Variants in MAGI2 observed in about 807,000 individuals in gnomAD.
The protein encoded by MAGI2 is membrane associated guanylate kinase, WW and PDZ domain containing 2, also known as membrane-associated guanylate kinase, WW and PDZ domain-containing protein 2.
MAGI2 carries 35 observed loss-of-function variants against 133.3 expected under a neutral mutation model. The observed-to-expected ratio is 0.26, with a 90% confidence interval of 0.20 to 0.35. MAGI2 has a LOEUF of 0.35. MAGI2 is among the 10% of genes least tolerant of loss of function. The pLI is 1.00. For missense variants in MAGI2, 1,636 were observed against 1,863.4 expected (o/e 0.88, Z 2.25); for synonymous variants, 729 against 710.6 (o/e 1.03, Z -0.41).
chr7:78,278,185 C>A (rs1426759662), intron 9 of MAGI2, among the ~76,000 whole-genome samples: 6 of 152,058 alleles, frequency 3.9e-5, no homozygotes, highest in Non-Finnish European at 7.4e-5. Context: ...AAAAAACACA[C>A]AACAACCAAA....
intron 4 of MAGI2, among the ~76,000 whole-genome samples, chr7:78,503,490 G>A (rs1794798059): frequency 3.3e-5 from 5 of 149,394 alleles, no homozygotes; most frequent in Admixed American, 2.0e-4. Flanking sequence ...GTGGTAGTGA[G>A]TAAGTCTCAC....
chr7:78,796,755 A>G (rs1335822913), intron 2 of MAGI2, among the ~76,000 whole-genome samples: 1 of 152,176 alleles, frequency 6.6e-6, no homozygotes, highest in African/African-American at 2.4e-5. Context: ...AAATGAATGG[A>G]TAAAATGTGG....
intron 1 of MAGI2, among the ~76,000 whole-genome samples, chr7:79,158,053 C>T (rs115334540): frequency 0.02 from 2,988 of 151,526 alleles, 89 homozygotes; most frequent in African/African-American, 0.068. Flanking sequence ...CCCCTTGGCA[C>T]GCCAGACTTT....
chr7:78,858,524 A>G (rs1289851979), intron 2 of MAGI2, among the ~76,000 whole-genome samples: 3 of 152,202 alleles, frequency 2.0e-5, no homozygotes, highest in African/African-American at 7.2e-5. Flanking sequence ...GTAGTTATTC[A>G]GGAGCAGGTT....
At chr7:79,443,910 TG>T (rs1481733336) in intron 1 of MAGI2, among the ~76,000 whole-genome samples, 2 of 152,234 alleles carry the variant, frequency 1.3e-5, no homozygotes, top group African/African-American at 4.8e-5. Context: ...ATAAAATCCA[TG>T]GTACTTACAG....
intron 2 of MAGI2, chr7:78,902,430 T>C (rs1209992207): frequency 1.3e-5 from 2 of 152,302 alleles, no homozygotes; most frequent in Non-Finnish European, 2.9e-5. Context: ...ATAGTACCAA[T>C]ATAAGCAAAT....
intron 2 of MAGI2, among the ~76,000 whole-genome samples, chr7:78,683,182 G>A (rs1356436069): frequency 6.6e-6 from 1 of 152,164 alleles, no homozygotes; most frequent in Non-Finnish European, 1.5e-5. Flanking sequence ...GGGCCATTGA[G>A]TTTTTGTGAG....
intron 20 of MAGI2, among the ~76,000 whole-genome samples, chr7:78,119,008 A>G (rs1176553515): frequency 6.6e-6 from 1 of 152,232 alleles, no homozygotes; most frequent in Non-Finnish European, 1.5e-5. Context: ...ATTAAAAGAC[A>G]TGGAGGAAAG....
chr7:78,253,505 T>C (rs1442029689), intron 10 of MAGI2: 1 of 136,158 alleles, frequency 7.3e-6, no homozygotes, highest in East Asian at 2.3e-4. Context: ...GTATGTAAAT[T>C]ATATCACATG....
At chr7:78,581,570 A>C (rs1802840905) in intron 3 of MAGI2, among the ~76,000 whole-genome samples, 1 of 152,216 alleles carries the variant, frequency 6.6e-6, no homozygotes, top group Non-Finnish European at 1.5e-5. Flanking sequence ...CACTACTTGA[A>C]ATAACACAAA....
At chr7:78,816,496 T>G (rs567932354) in intron 2 of MAGI2, among the ~76,000 whole-genome samples, 72 of 152,344 alleles carry the variant, frequency 4.7e-4, no homozygotes, top group Middle Eastern at 3.4e-3. Flanking sequence ...AGTCTATGCC[T>G]AGCTTCAAAG....
chr7:78,486,677 G>A (rs1056669318), intron 6 of MAGI2: 97 of 387,714 alleles, frequency 2.5e-4, no homozygotes, highest in African/African-American at 1.7e-3. Context: ...CAACAATGGC[G>A]ACAACGATGG....
At chr7:78,425,468 A>T (rs1203458274) in intron 6 of MAGI2, among the ~76,000 whole-genome samples, 1 of 152,218 alleles carries the variant, frequency 6.6e-6, no homozygotes, top group Admixed American at 6.5e-5. Context: ...AAATGTGTTT[A>T]CTTGAGGTCA....
intron 1 of MAGI2, among the ~76,000 whole-genome samples, chr7:79,213,238 G>GTGGGTGTGTATA (rs1563001501): frequency 4.2e-5 from 6 of 144,078 alleles, no homozygotes; most frequent in Middle Eastern, 3.7e-3. Context: ...GTGTGTGTGT[G>GTGGGTGTGTATA]TATATATGTG....
At chr7:78,284,802 T>A (rs1795981088) in intron 9 of MAGI2, among the ~76,000 whole-genome samples, 1 of 152,108 alleles carries the variant, frequency 6.6e-6, no homozygotes, top group Admixed American at 6.6e-5. Context: ...CTTGATTATA[T>A]GGTAGGAGAA....
intron 6 of MAGI2, among the ~76,000 whole-genome samples, chr7:78,466,034 C>T (rs1790591948): frequency 6.6e-6 from 1 of 152,180 alleles, no homozygotes; most frequent in African/African-American, 2.4e-5. Context: ...TGGACCACTC[C>T]AATCCGGCTT....
intron 1 of MAGI2, among the ~76,000 whole-genome samples, chr7:79,167,397 C>CAAAAAAAA (rs10542271): frequency 1.2e-5 from 1 of 84,732 alleles, no homozygotes; most frequent in African/African-American, 4.1e-5. Context: ...CCAAAAATGG[C>CAAAAAAAA]AAAAAAAAAA....
intron 2 of MAGI2, among the ~76,000 whole-genome samples, chr7:78,843,008 T>C (rs1472877580): frequency 6.6e-6 from 1 of 151,960 alleles, no homozygotes. Context: ...ATTTAAGTCA[T>C]CTAAGTTAAT....
rs151261900 is a variant in MAGI2 at position 78,038,851 on chromosome 7, T to A, written c.3707-18875A>T. The stretch of plus-strand genomic sequence containing the variant: ...ACCCTCACAGTGCCTGTTGGTTTAG[T>A]TAAGTTCGTGGGCGTTTTCACTGAG... On this transcript the variant is annotated intron_variant, in intron 21 of 21. Coordinates refer to ENST00000354212, the MANE Select transcript of MAGI2 (RefSeq NM_012301.4). Among the ~76,000 whole-genome samples, 790 of 152,336 alleles carry A rather than the reference T, an allele frequency of 5.2e-3. 4 individuals carry two copies. Among genetic ancestry groups the A allele is most frequent in the Non-Finnish European group, 8.8e-3 (598 of 68,030 alleles).
Sources: gnomAD v4.1 joint callset for allele counts (sites outside exome capture counted in the v4.1 genomes callset) on GRCh38, gnomAD v4.1.1 for gene constraint, MANE v1.5 for transcripts, NCBI Gene and HGNC (gene_info 2026-07-23, HGNC 2026-07-21) for gene names.